CREB5: variants seen among roughly 807,000 people sequenced by gnomAD.
CREB5 encodes cyclic AMP-responsive element-binding protein 5.
CREB5 carries 19 observed loss-of-function variants against 57.1 expected under a neutral mutation model. The ratio of observed to expected loss-of-function variants is 0.33; its 90% confidence interval spans 0.23 to 0.49. The LOEUF is 0.49. Ranked by LOEUF, CREB5 falls within the 20% of genes least tolerant of loss-of-function variation. The pLI is 0.99. For synonymous variants in CREB5, 238 were observed against 238.3 expected, an observed-to-expected ratio of 1.00 and a Z score of 0.01; for missense variants, 579 against 671.6, an observed-to-expected ratio of 0.86 and a Z score of 1.52.
chr7:28,700,764 C>T (rs778019303), intron 5 of CREB5, among the ~76,000 whole-genome samples: 13 of 151,888 alleles, frequency 8.6e-5, no homozygotes, highest in East Asian at 1.9e-4. Context: ...TATTTCCTTT[C>T]GATAAAAATA....
At position 28,359,850 on chromosome 7, in the gene CREB5, T is replaced by C. The variant is rs117336682; in HGVS notation, c.-25+60409T>C. ...TGATAAGGAGTTAACATCCAAAATA[T>C]ATAAGGAACTCAAACAACTCAATAG... On this transcript the variant is annotated intron_variant, in intron 1 of 9. Transcript: ENST00000396299. 5.3e-5 allele frequency among the ~76,000 whole-genome samples: 8 copies of C among 152,194 alleles called. No homozygotes were observed. The East Asian group carries it at 1.2e-3, about 22-fold the overall frequency.
At chr7:28,756,471 G>A (rs929491673) in intron 7 of CREB5, among the ~76,000 whole-genome samples, 44 of 151,510 alleles carry the variant, frequency 2.9e-4, no homozygotes, top group Non-Finnish European at 6.2e-4. Context: ...CAGGAGAATC[G>A]CTTGAACCTG....
At chr7:28,586,466 G>C (rs139362511) in intron 5 of CREB5, among the ~76,000 whole-genome samples, 62 of 152,308 alleles carry the variant, frequency 4.1e-4, no homozygotes, top group African/African-American at 1.5e-3. Context: ...TCCCTGCCAG[G>C]CCTCTGGACA....
intron 1 of CREB5, among the ~76,000 whole-genome samples, chr7:28,339,285 A>C (rs1785886852): frequency 6.6e-6 from 1 of 152,180 alleles, no homozygotes; most frequent in Non-Finnish European, 1.5e-5. Flanking sequence ...CCAGGTATTC[A>C]AAGGGACCTG....
chr7:28,651,648 C>T (rs1012825148), intron 5 of CREB5, among the ~76,000 whole-genome samples: 2 of 152,138 alleles, frequency 1.3e-5, no homozygotes, highest in African/African-American at 2.4e-5. Flanking sequence ...CTCTTTCTTT[C>T]GCCGGGCACT....
chr7:28,365,144 A>G lies in CREB5; in HGVS notation c.-25+65703A>G, dbSNP rs987248391. On this transcript the variant is annotated intron_variant, in intron 1 of 9. Transcript: ENST00000396299. ...ATCTCCTCTAGAATAACAGTCTCAA[A>G]CATTCGTCTCTCTGGTCCTTTCTAT... Among the ~76,000 whole-genome samples the G allele has an allele frequency of 2.6e-5, 4 of 152,304 alleles. No individual in the cohort carries two copies. The South Asian group carries it at 8.3e-4, about 32-fold the overall frequency.
In CREB5 at chr7:28,718,789, C is replaced by T. The variant is rs754108314; in HGVS notation, c.501C>T (p.Leu167=). The T allele has an allele frequency of 6.2e-7, 1 of 1,614,086 alleles. No homozygotes were observed. Among genetic ancestry groups the T allele is most frequent in the Non-Finnish European group, 8.5e-7 (1 of 1,179,980 alleles). ...VPGSLSSLLH[L]HNRQRQPMPA... ...GCTCTCTATCTTCTCTGCTACATCTCCACAACAGACAGAGACAGCCCATGC... is the reference window on the plus strand; with the variant it reads ...GCTCTCTATCTTCTCTGCTACATCTTCACAACAGACAGAGACAGCCCATGC... Residue 167 remains leucine, a synonymous_variant, in exon 6 of 11, where the codon CTC becomes CTT. Coordinates refer to ENST00000357727, the MANE Select transcript of CREB5 (RefSeq NM_182898.4).
At chr7:28,798,349 G>C (rs1808167293) in intron 7 of CREB5, among the ~76,000 whole-genome samples, 1 of 96,096 alleles carries the variant, frequency 1.0e-5, no homozygotes, top group Non-Finnish European at 2.0e-5. Context: ...ACTTGCTAAT[G>C]GGAGATAAAT....
At chr7:28,541,122 T>C (rs1036355705) in intron 4 of CREB5, among the ~76,000 whole-genome samples, 2 of 152,188 alleles carry the variant, frequency 1.3e-5, no homozygotes, top group Admixed American at 6.5e-5. Context: ...AAAGACCTAA[T>C]TTGATTGCTT....
intron 1 of CREB5, among the ~76,000 whole-genome samples, chr7:28,428,612 T>C (rs139133599): frequency 6.6e-6 from 1 of 152,302 alleles, no homozygotes; most frequent in African/African-American, 2.4e-5. Context: ...TGTCATCGAC[T>C]GAGATGGGGA....
At chr7:28,672,020 A>T (rs1472506192) in intron 5 of CREB5, among the ~76,000 whole-genome samples, 1 of 152,208 alleles carries the variant, frequency 6.6e-6, no homozygotes, top group Non-Finnish European at 1.5e-5. Flanking sequence ...CACCTTAAAA[A>T]GATTAAAATG....
chr7:28,731,111 A>T (rs908789493), intron 7 of CREB5, among the ~76,000 whole-genome samples: 1 of 152,212 alleles, frequency 6.6e-6, no homozygotes, highest in Non-Finnish European at 1.5e-5. Flanking sequence ...GTTATTAAAG[A>T]ATTAAAAGCA....
intron 1 of CREB5, among the ~76,000 whole-genome samples, chr7:28,324,821 G>C (rs1212765587): frequency 4.6e-5 from 7 of 152,180 alleles, no homozygotes; most frequent in African/African-American, 1.7e-4. Flanking sequence ...CAGAACGGTT[G>C]ATACTTTCTT....
chr7:28,746,939 T>C (rs1426546132), intron 7 of CREB5, among the ~76,000 whole-genome samples: 1 of 152,216 alleles, frequency 6.6e-6, no homozygotes, highest in Non-Finnish European at 1.5e-5. Context: ...GGTGGAAACA[T>C]GAGGCTCTAG....
chr7:28,435,747 A>T, intron 1 of CREB5: 5 of 822,730 alleles, frequency 6.1e-6, no homozygotes, highest in Non-Finnish European at 7.3e-6. Context: ...TCAGATGTAA[A>T]TTACATTTGG....
chr7:28,752,829 T>C (rs1261318491), intron 7 of CREB5, among the ~76,000 whole-genome samples: 1 of 152,042 alleles, frequency 6.6e-6, no homozygotes, highest in African/African-American at 2.4e-5. Flanking sequence ...TTCTCTTACC[T>C]GGTAGGTCAC....
intron 1 of CREB5, among the ~76,000 whole-genome samples, chr7:28,452,885 C>T (rs1789893622): frequency 6.6e-6 from 1 of 152,116 alleles, no homozygotes. Context: ...AGGGGTGGGA[C>T]CAATGGGGAA....
rs751547946 is a variant in CREB5, at chr7:28,809,285, C to T, written c.1125C>T (p.Asp375=). 1 of 1,614,142 alleles carries T rather than the reference C, an allele frequency of 6.2e-7. No individual in the cohort carries two copies. The highest frequency in any genetic ancestry group is 8.5e-7 in the Non-Finnish European group (1 of 1,180,028). Residue 375 remains aspartate (D), a synonymous_variant, in exon 9 of 11, where the codon GAC becomes GAT. Coordinates refer to ENST00000357727, the MANE Select transcript of CREB5 (RefSeq NM_182898.4). ...RRRRVVDEDP[D]ERRRKFLERN... ...GAAGGGTGGTAGACGAGGATCCGGA[C>T]GAGAGGCGGCGGAAATTTCTGGAAC...
chr7:28,462,592 T>C (rs892269164), intron 1 of CREB5, among the ~76,000 whole-genome samples: 1 of 152,098 alleles, frequency 6.6e-6, no homozygotes, highest in Non-Finnish European at 1.5e-5. Flanking sequence ...CTTTCCGGGG[T>C]CATTTTGATT....
Sources: gnomAD v4.1 joint callset for allele counts (sites outside exome capture counted in the v4.1 genomes callset) on GRCh38, gnomAD v4.1.1 for gene constraint, MANE v1.5 for transcripts, NCBI Gene and HGNC (gene_info 2026-07-23, HGNC 2026-07-21) for gene names.